Variants in HNF4G observed in about 807,000 individuals in gnomAD.
The protein encoded by HNF4G is hepatocyte nuclear factor 4-gamma.
Under a neutral mutation model 50.9 loss-of-function variants are expected in HNF4G, and 21 were observed. The ratio of observed to expected loss-of-function variants is 0.41; its 90% confidence interval spans 0.29 to 0.59. The LOEUF is 0.59. Among genes scored for constraint, HNF4G ranks in the 20% least tolerant of loss-of-function variants. HNF4G has a pLI of 0.26. For synonymous variants in HNF4G, 198 were observed against 185.6 expected (o/e 1.07, Z -0.54); for missense variants, 527 against 559.4 (o/e 0.94, Z 0.58).
rs187733608 is a variant in HNF4G, at chr8:75,563,846, A to T, written c.1247-129A>T. 1.6e-3 allele frequency: 1,591 copies of T among 976,610 alleles called. 2 individuals are homozygous for T. The highest frequency in any genetic ancestry group is 3.0e-3 in the Admixed American group (122 of 41,052). 60.5% of individuals were successfully genotyped at this position (976,610 alleles called of 1,614,324 possible). Reference sequence around the variant, plus strand: ...GGGCCAATAATGCATTCTACAAATCACTATTCTGTGTAGGATATTTTAAAA... The same window carrying T: ...GGGCCAATAATGCATTCTACAAATCTCTATTCTGTGTAGGATATTTTAAAA... On this transcript the variant is annotated intron_variant, in intron 9 of 9. Coordinates refer to ENST00000396423, the MANE Select transcript of HNF4G (RefSeq NM_004133.5).
At chr8:75,439,706 C>T (rs1172881109) in intron 1 of HNF4G, among the ~76,000 whole-genome samples, 2 of 151,918 alleles carry the variant, frequency 1.3e-5, no homozygotes, top group African/African-American at 4.8e-5. Context: ...TAAATCATGT[C>T]AAAAACTTCA....
chr8:75,556,538 C>G (rs943862186), intron 6 of HNF4G, among the ~76,000 whole-genome samples: 1 of 152,058 alleles, frequency 6.6e-6, no homozygotes, highest in Non-Finnish European at 1.5e-5. Flanking sequence ...GTGGTAATGA[C>G]TGAACAATTT....
chr8:75,424,534 T>C (rs1217812633), intron 1 of HNF4G, among the ~76,000 whole-genome samples: 2 of 152,166 alleles, frequency 1.3e-5, no homozygotes, highest in Non-Finnish European at 2.9e-5. Flanking sequence ...CTCTTGCCCC[T>C]TTCTCTCCCT....
At chr8:75,543,624 A>G (rs896569326) in intron 1 of HNF4G, among the ~76,000 whole-genome samples, 187 bp from the exon 2 acceptor site, 3 of 152,126 alleles carry the variant, frequency 2.0e-5, no homozygotes, top group Admixed American at 6.5e-5. Context: ...CCCAAAGTTA[A>G]ATGTTCAGAA....
chr8:75,542,690 T>C (rs1302342760), intron 1 of HNF4G, among the ~76,000 whole-genome samples: 1 of 152,106 alleles, frequency 6.6e-6, no homozygotes, highest in African/African-American at 2.4e-5. Context: ...CATTATTCTG[T>C]ATCTGGTTAC....
At chr8:75,518,499 A>G (rs1168608377) in intron 2 of HNF4G, among the ~76,000 whole-genome samples, 1 of 152,142 alleles carries the variant, frequency 6.6e-6, no homozygotes, top group Non-Finnish European at 1.5e-5. Context: ...CCAAAGGATT[A>G]TAAATCATGC....
At chr8:75,461,890 A>G (rs1334001420) in intron 1 of HNF4G, among the ~76,000 whole-genome samples, 2 of 126,268 alleles carry the variant, frequency 1.6e-5, no homozygotes, top group African/African-American at 3.2e-5. Context: ...AAATAAATAT[A>G]TAAATATATA....
intron 1 of HNF4G, among the ~76,000 whole-genome samples, chr8:75,485,137 T>C (rs981349794): frequency 6.6e-6 from 1 of 152,216 alleles, no homozygotes; most frequent in Non-Finnish European, 1.5e-5. Flanking sequence ...TGTTAAATTC[T>C]GAAGAAAATA....
At position 75,539,972 on chromosome 8, in the gene HNF4G, G is replaced by T. The variant is rs1563546686; in HGVS notation, c.10G>T (p.Val4Leu). 7.0e-7 allele frequency: 1 copy of T among 1,422,080 alleles called. No homozygotes were observed. Among genetic ancestry groups the T allele is most frequent in the Non-Finnish European group, 9.9e-7 (1 of 1,005,704 alleles). 88.1% of individuals were successfully genotyped at this position (1,422,080 alleles called of 1,614,324 possible). A position where few individuals can be genotyped will look rare whatever the true frequency, so the allele number is the denominator to read the frequency against. The stretch of plus-strand genomic sequence containing the variant: ...GTGTGTTTCTAAATCAATGATGAGG[G>T]TATCAGAACCAATACTGGACATGGA... MMR[V>L]SEPILDMDMA... The change falls in exon 1 of 10, where the codon GTA (valine) becomes TTA (leucine). Residue 4 changes from valine (V) to leucine (L), a missense_variant. By Grantham distance (32) the Val-to-Leu change is conservative. Coordinates refer to ENST00000396423, the MANE Select transcript of HNF4G (RefSeq NM_004133.5).
chr8:75,450,906 G>T (rs1811569354), intron 1 of HNF4G, among the ~76,000 whole-genome samples: 1 of 152,156 alleles, frequency 6.6e-6, no homozygotes, highest in Non-Finnish European at 1.5e-5. Context: ...TGTGTCTTGT[G>T]TGCTTTCTTG....
chr8:75,451,495 A>T (rs1563512255), intron 1 of HNF4G, among the ~76,000 whole-genome samples: 1 of 152,192 alleles, frequency 6.6e-6, no homozygotes, highest in East Asian at 1.9e-4. Flanking sequence ...TAAGTCTTTA[A>T]TCCATGTTGA....
chr8:75,534,998 G>T (rs34582181), upstream of HNF4G, among the ~76,000 whole-genome samples: 55,407 of 151,000 alleles, frequency 0.37, 10,941 homozygotes, highest in African/African-American at 0.5. Flanking sequence ...TAATAACTTC[G>T]GTTTAAATGT....
chr8:75,409,858 C>A (rs1346341980), intron 1 of HNF4G, among the ~76,000 whole-genome samples: 1 of 152,008 alleles, frequency 6.6e-6, no homozygotes, highest in African/African-American at 2.4e-5. Flanking sequence ...AAAACAACAT[C>A]AAAATCGTAG....
At chr8:75,477,734 G>A (rs368065008) in intron 1 of HNF4G, among the ~76,000 whole-genome samples, 1 of 151,994 alleles carries the variant, frequency 6.6e-6, no homozygotes, top group East Asian at 1.9e-4. Flanking sequence ...TTGGGAGGCC[G>A]AAGTGGGCAG....
At chr8:75,498,698 A>T (rs768405134) in intron 2 of HNF4G, among the ~76,000 whole-genome samples, 6 of 152,088 alleles carry the variant, frequency 3.9e-5, no homozygotes, top group African/African-American at 7.2e-5. Context: ...GAAAAAAAGG[A>T]TTATCTATCA....
rs181595284 is a variant in HNF4G, at chr8:75,470,423, G to A, written c.-143-19666G>A. On this transcript the variant is annotated intron_variant, in intron 1 of 10. Transcript: ENST00000354370. ...AATATAGCATAGCATTTTTCCAATTGTAGTCTATTATAAAAATTAATTTTG... is the reference window on the plus strand; with the variant it reads ...AATATAGCATAGCATTTTTCCAATTATAGTCTATTATAAAAATTAATTTTG... Among the ~76,000 whole-genome samples the A allele has an allele frequency of 3.9e-5, 6 of 152,150 alleles. No homozygotes were observed. The East Asian group carries it at 1.2e-3, about 29-fold the overall frequency.
At chr8:75,528,512 ATACTT>A (rs1806240596) in intron 2 of HNF4G, among the ~76,000 whole-genome samples, 1 of 152,208 alleles carries the variant, frequency 6.6e-6, no homozygotes, top group Non-Finnish European at 1.5e-5. Flanking sequence ...CTTCTGTAAA[ATACTT>A]CACTTTCTCT....
rs936220357 is a variant in HNF4G at position 75,558,577 on chromosome 8, C to T, written c.793C>T (p.Arg265Cys). The T allele has an allele frequency of 3.1e-6, 5 of 1,613,774 alleles. No homozygotes were observed. Among genetic ancestry groups the T allele is most frequent in the African/African-American group, 1.3e-5 (1 of 75,012 alleles). Residue 265 changes from arginine (R) to cysteine (C), a missense_variant, in exon 7 of 10, where the codon CGT becomes TGT. By Grantham distance (180) the Arg-to-Cys change is radical (BLOSUM62 -3). Transcript: ENST00000396423. ...AGTTGAGATTAGCCGTGTGGCCAAT[C>T]GTGTTCTAGATGAGCTGGTTAGACC... ...CEVEISRVANRVLDELVRPFQ... is the reference protein window; with the variant it reads ...CEVEISRVANCVLDELVRPFQ...
intron 1 of HNF4G, among the ~76,000 whole-genome samples, chr8:75,489,696 A>G (rs830780): frequency 0.27 from 41,816 of 152,138 alleles, 6,413 homozygotes; most frequent in Middle Eastern, 0.45. Context: ...GCAAACTAAA[A>G]GGGAGTTTAG....
Sources: allele counts gnomAD v4.1 joint callset (sites outside exome capture counted in the v4.1 genomes callset), GRCh38; gene constraint gnomAD v4.1.1; transcripts MANE v1.5; gene names NCBI Gene and HGNC (gene_info 2026-07-23, HGNC 2026-07-21).